Variants in KIF3A observed in about 807,000 individuals in gnomAD.
KIF3A encodes kinesin family member 3A.
In KIF3A, 27 loss-of-function variants were observed where a neutral mutation model predicts 92.6. That is an observed-to-expected ratio of 0.29 (90% CI 0.21 to 0.40). KIF3A has a LOEUF of 0.40. Ranked by LOEUF, KIF3A falls within the 10% of genes least tolerant of loss-of-function variation. The pLI is 1.00. For synonymous variants in KIF3A, 250 were observed against 275.4 expected (o/e 0.91, Z 0.92); for missense variants, 581 against 872.6 (o/e 0.67, Z 4.21).
At chr5:132,708,773 T>C (rs1753313308) in intron 10 of KIF3A, 134 bp downstream of exon 10, 1 of 551,588 alleles carries the variant, frequency 1.8e-6, no homozygotes, top group Non-Finnish European at 3.3e-6. Flanking sequence ...AATCATCACA[T>C]GCTTTGTTCT....
At chr5:132,722,409 T>A (rs892398593) in intron 4 of KIF3A, among the ~76,000 whole-genome samples, 3 of 152,152 alleles carry the variant, frequency 2.0e-5, no homozygotes, top group African/African-American at 4.8e-5. Context: ...GTTACCCTCT[T>A]GTCCTAGAAT....
chr5:132,726,587 G>A lies in KIF3A; in HGVS notation c.281-89C>T, dbSNP rs539673967. The A allele has an allele frequency of 4.3e-6, 5 of 1,164,236 alleles. No homozygotes were observed. In the South Asian group the frequency reaches 5.7e-5, roughly 13 times the overall value. 72.1% of individuals were successfully genotyped at this position (1,164,236 alleles called of 1,614,324 possible). A position where few individuals can be genotyped will look rare whatever the true frequency, so the allele number is the denominator to read the frequency against. On this transcript the variant is annotated intron_variant, in intron 2 of 18. Coordinates refer to ENST00000403231, the MANE Select transcript of KIF3A (RefSeq NM_001300791.2). ...AAATTAATTCCTTTGACACTGTGAT[G>A]TAATTTCTCCCCTGGATTCAAAATT...
At chr5:132,714,509 G>C (rs1031784429) in intron 8 of KIF3A, among the ~76,000 whole-genome samples, 1 of 152,160 alleles carries the variant, frequency 6.6e-6, no homozygotes, top group Non-Finnish European at 1.5e-5. Context: ...TCTGTTAAGT[G>C]AAATAAGCCA....
In KIF3A at chr5:132,715,911, T is replaced by C. The variant is rs1753604711; in HGVS notation, c.975A>G (p.Ala325=). The C allele has an allele frequency of 6.3e-7, 1 of 1,594,276 alleles. No individual in the cohort carries two copies. The highest frequency in any genetic ancestry group is 1.4e-5 in the African/African-American group (1 of 73,952). ...TGATAGTTTCATCATAATTGTAATCTGCTGGCCCAATATTTGCACACTATT... is the reference window on the plus strand; with the variant it reads ...TGATAGTTTCATCATAATTGTAATCCGCTGGCCCAATATTTGCACACTATT... ...KTMMCANIGP[A]DYNYDETIST... The change falls in exon 8 of 19, where the codon GCA becomes GCG. Residue 325 remains alanine (A), a synonymous_variant. Transcript: ENST00000403231.
chr5:132,691,675 G>A (rs986601856), downstream of KIF3A, among the ~76,000 whole-genome samples: 2 of 152,116 alleles, frequency 1.3e-5, no homozygotes, highest in Non-Finnish European at 2.9e-5. Flanking sequence ...GGCTGAGGCG[G>A]GTGGATCACC....
intron 5 of KIF3A, among the ~76,000 whole-genome samples, chr5:132,718,499 G>T (rs1753712489): frequency 6.6e-6 from 1 of 152,092 alleles, no homozygotes; most frequent in South Asian, 2.1e-4. Flanking sequence ...TAGCAGAGAC[G>T]AGGTTTCACC....
At chr5:132,707,877 C>G (rs1267583903) in intron 10 of KIF3A, among the ~76,000 whole-genome samples, 4 of 152,186 alleles carry the variant, frequency 2.6e-5, no homozygotes, top group African/African-American at 7.2e-5. Flanking sequence ...TTAAATAACA[C>G]TTTTCAACTT....
chr5:132,691,265 G>C (rs1752656937), downstream of KIF3A, among the ~76,000 whole-genome samples: 1 of 152,038 alleles, frequency 6.6e-6, no homozygotes, highest in African/African-American at 2.4e-5. Context: ...AGTATTTTTG[G>C]GGCTAGGCAC....
chr5:132,716,248 C>G lies in KIF3A; in HGVS notation c.951G>C (p.Met317Ile). Residue 317 changes from methionine to isoleucine, a missense_variant, in exon 7 of 19, where the codon ATG becomes ATC. Physicochemically the swap from Met to Ile is conservative, Grantham distance 10. Around this residue, in one of 5 missense-constraint regions of KIF3A, gnomAD observed 40 missense variants for 107.0 expected, o/e 0.37. Coordinates refer to ENST00000403231, the MANE Select transcript of KIF3A (RefSeq NM_001300791.2). Reference sequence around the variant, plus strand: ...TATATCACCAATTAAGTCTTACCATCATGGTTTTTGAATTTCCTCCTAAGG... The same window carrying G: ...TATATCACCAATTAAGTCTTACCATGATGGTTTTTGAATTTCCTCCTAAGG... ...QDSLGGNSKTMMCANIGPADY... is the reference protein window; with the variant it reads ...QDSLGGNSKTIMCANIGPADY... The G allele has an allele frequency of 6.2e-7, 1 of 1,611,818 alleles. No homozygotes were observed. The highest frequency in any genetic ancestry group is 8.5e-7 in the Non-Finnish European group (1 of 1,178,058).
intron 1 of KIF3A, 96 bp downstream of exon 1, chr5:132,737,318 C>T (rs540363692): frequency 7.1e-7 from 1 of 1,401,472 alleles, no homozygotes; most frequent in African/African-American, 1.5e-5. Context: ...CCACCCAGGC[C>T]GCCTGCCGGC....
chr5:132,736,550 G>A (rs573409192), intron 1 of KIF3A, among the ~76,000 whole-genome samples: 4 of 152,204 alleles, frequency 2.6e-5, no homozygotes, highest in African/African-American at 9.6e-5. Context: ...GTATCTTCAG[G>A]GCCTAGCATG....
At chr5:132,716,714 T>A (rs1302636017) in intron 6 of KIF3A, 131 bp downstream of exon 6, 15 of 1,021,432 alleles carry the variant, frequency 1.5e-5, no homozygotes, top group Non-Finnish European at 2.2e-5. Flanking sequence ...CCATAATAAA[T>A]AATAAACATA....
chr5:132,727,424 C>T (rs61629351), intron 2 of KIF3A, among the ~76,000 whole-genome samples: 6,731 of 152,052 alleles, frequency 0.044, 485 homozygotes, highest in African/African-American at 0.15. Flanking sequence ...GAGAGGGGGT[C>T]AGGGAGGACT....
Position 132,726,360 on chromosome 5 carries a change from T to C in KIF3A, c.419A>G (p.Asp140Gly). 4 of 1,613,662 alleles carry C rather than the reference T, an allele frequency of 2.5e-6. No homozygotes were observed. The highest frequency in any genetic ancestry group is 3.4e-6 in the Non-Finnish European group (4 of 1,179,716). Reference sequence around the variant, plus strand: ...TAAAAGAATTCCCTTTTACCTTGTATCACCCTCCGCTTTTGCAATATGACC... The same window carrying C: ...TAAAAGAATTCCCTTTTACCTTGTACCACCCTCCGCTTTTGCAATATGACC... ...IFGHIAKAEG[D>G]TRFLVRVSYL... is the part of the protein sequence containing the mutation. Residue 140 changes from aspartate (D) to glycine (G), a missense_variant, in exon 3 of 19, where the codon GAT becomes GGT. Transcript: ENST00000403231.
intron 9 of KIF3A, among the ~76,000 whole-genome samples, 170 bp downstream of exon 9, chr5:132,710,789 G>A (rs970419033): frequency 6.6e-6 from 1 of 152,040 alleles, no homozygotes; most frequent in Admixed American, 6.6e-5. Flanking sequence ...AGCTATAAAC[G>A]GATCAATACA....
At chr5:132,690,139 T>G (rs2149885162), downstream of KIF3A, among the ~76,000 whole-genome samples, 2 of 152,198 alleles carry the variant, frequency 1.3e-5, no homozygotes, top group African/African-American at 4.8e-5. Flanking sequence ...TCGCTTGAAC[T>G]CGGGAGGCAG....
In KIF3A at chr5:132,693,980, CA is replaced by C. The variant is rs753479660; in HGVS notation, c.*2653del. 1,916 of 114,288 alleles carry C rather than the reference CA, an allele frequency of 0.017. 26 individuals are homozygous for C. Among genetic ancestry groups the C allele is most frequent in the African/African-American group, 0.047 (1,456 of 30,950 alleles). 7.1% of individuals were successfully genotyped at this position (114,288 alleles called of 1,614,324 possible). A position where few individuals can be genotyped will look rare whatever the true frequency, so the allele number is the denominator to read the frequency against. ...TGGGCGACAGAGTAAGACTCCGTCT[CA>C]AAAAAAAAAAAAAGATATTCAGGCC... On this transcript the variant is annotated 3_prime_UTR_variant, in exon 19 of 19. Coordinates refer to ENST00000403231, the MANE Select transcript of KIF3A (RefSeq NM_001300791.2).
rs1170319968 is a variant in KIF3A, at chr5:132,695,248, T to C, written c.*1386A>G. 6.6e-6 allele frequency: 1 copy of C among 152,220 alleles called. No homozygotes were observed. The highest frequency in any genetic ancestry group is 1.5e-5 in the Non-Finnish European group (1 of 68,070). The allele number at this position is 152,220 out of a possible 1,614,324, so 9.4% of individuals were successfully genotyped here. A position where few individuals can be genotyped will look rare whatever the true frequency, so the allele number is the denominator to read the frequency against. On this transcript the variant is annotated 3_prime_UTR_variant, in exon 19 of 19. Transcript: ENST00000403231. Reference sequence around the variant, plus strand: ...GTGCAGTGATGCCATCTCAGCTCACTGCAACCTCCGCCTCCCAGGTTCAAG... The same window carrying C: ...GTGCAGTGATGCCATCTCAGCTCACCGCAACCTCCGCCTCCCAGGTTCAAG...
intron 6 of KIF3A, among the ~76,000 whole-genome samples, 187 bp downstream of exon 6, chr5:132,716,658 G>A (rs929976529): frequency 2.0e-5 from 3 of 152,054 alleles, no homozygotes; most frequent in Non-Finnish European, 4.4e-5. Flanking sequence ...AGTGTATGGG[G>A]GATCACTATA....
Sources: allele counts gnomAD v4.1 joint callset (sites outside exome capture counted in the v4.1 genomes callset), GRCh38; gene constraint gnomAD v4.1.1; regional missense constraint gnomAD v4.1.1; transcripts MANE v1.5; gene names NCBI Gene and HGNC (gene_info 2026-07-23, HGNC 2026-07-21).